SMG6: variants seen among roughly 807,000 people sequenced by gnomAD.
SMG6 encodes the protein telomerase-binding protein EST1A.
SMG6 carries 66 observed loss-of-function variants against 142.2 expected under a neutral mutation model. That is an observed-to-expected ratio of 0.46 (90% CI 0.38 to 0.57). SMG6 has a LOEUF of 0.57. SMG6 is among the 20% of genes least tolerant of loss of function. The pLI, the probability that SMG6 is intolerant of heterozygous loss-of-function variation, is 0.00. For synonymous variants in SMG6, 779 were observed against 702.4 expected (o/e 1.11, Z -1.72); for missense variants, 1,793 against 1,832.0 (o/e 0.98, Z 0.39).
In SMG6 at chr17:2,061,108, C is replaced by T. The variant is rs189617011; in HGVS notation, c.*384G>A. 1 of 193,396 alleles carries T rather than the reference C, an allele frequency of 5.2e-6. No homozygotes were observed. Among genetic ancestry groups the T allele is most frequent in the Admixed American group, 5.4e-5 (1 of 18,534 alleles). 12.0% of individuals were successfully genotyped at this position (193,396 alleles called of 1,614,324 possible). On this transcript the variant is annotated 3_prime_UTR_variant, in exon 19 of 19. Coordinates refer to ENST00000263073, the MANE Select transcript of SMG6 (RefSeq NM_017575.5). ...ACTGCATCTGACGGAAACTCAGAACCCCTGCCCTGTCTCCACTGGAGAAAG... is the reference window on the plus strand; with the variant it reads ...ACTGCATCTGACGGAAACTCAGAACTCCTGCCCTGTCTCCACTGGAGAAAG...
chr17:2,197,547 C>G (rs1041868805), intron 10 of SMG6, among the ~76,000 whole-genome samples: 2 of 151,906 alleles, frequency 1.3e-5, no homozygotes, highest in Non-Finnish European at 2.9e-5. Context: ...GCCTGGGTGA[C>G]AGAGACCCTG....
At chr17:2,142,873 A>G (rs1428300398) in intron 13 of SMG6, among the ~76,000 whole-genome samples, 9 of 142,418 alleles carry the variant, frequency 6.3e-5, no homozygotes, top group Non-Finnish European at 1.4e-4. Flanking sequence ...GGGCAACAAG[A>G]GCAAAACACT....
intron 8 of SMG6, chr17:2,255,590 G>A (rs576691323): frequency 7.7e-5 from 12 of 156,294 alleles, no homozygotes; most frequent in Middle Eastern, 3.2e-3. Flanking sequence ...CCGGCCAGCC[G>A]CCCCGTCCGG....
At chr17:2,079,927 T>C (rs2068366096) in intron 15 of SMG6, among the ~76,000 whole-genome samples, 1 of 151,108 alleles carries the variant, frequency 6.6e-6, no homozygotes, top group Non-Finnish European at 1.5e-5. Context: ...ATACAGAAAT[T>C]AGCTGGGTAT....
intron 8 of SMG6, among the ~76,000 whole-genome samples, chr17:2,264,827 A>G (rs2074386613): frequency 6.6e-6 from 1 of 151,806 alleles, no homozygotes; most frequent in Non-Finnish European, 1.5e-5. Flanking sequence ...GCTTGAGCCC[A>G]GGAGGCGAAG....
At chr17:2,229,126 G>A (rs1274411347) in intron 10 of SMG6, among the ~76,000 whole-genome samples, 1 of 152,154 alleles carries the variant, frequency 6.6e-6, no homozygotes, top group African/African-American at 2.4e-5. Flanking sequence ...AAGAGAAAGA[G>A]TAAACACTTC....
chr17:2,152,469 T>C (rs1361531864), intron 13 of SMG6, among the ~76,000 whole-genome samples: 1 of 152,170 alleles, frequency 6.6e-6, no homozygotes, highest in Middle Eastern at 3.2e-3. Context: ...ACAAAGGATT[T>C]GCATCCTAAA....
At chr17:2,109,007 C>T (rs1272866699) in intron 13 of SMG6, among the ~76,000 whole-genome samples, 1 of 152,156 alleles carries the variant, frequency 6.6e-6, no homozygotes, top group East Asian at 1.9e-4. Context: ...CTAATGTCAT[C>T]CCCATTTTTC....
At chr17:2,173,901 T>C (rs953829491) in intron 12 of SMG6, among the ~76,000 whole-genome samples, 3 of 142,062 alleles carry the variant, frequency 2.1e-5, no homozygotes, top group Admixed American at 7.7e-5. Flanking sequence ...CAAATTGTGG[T>C]AAGCATATAG....
intron 13 of SMG6, among the ~76,000 whole-genome samples, chr17:2,150,398 A>G (rs1353162896): frequency 2.6e-5 from 4 of 152,224 alleles, no homozygotes; most frequent in Non-Finnish European, 5.9e-5. Flanking sequence ...CCCAATACCA[A>G]TGTGTTGAAC....
intron 8 of SMG6, among the ~76,000 whole-genome samples, chr17:2,274,421 G>T (rs145715444): frequency 4.1e-4 from 62 of 152,130 alleles, no homozygotes; most frequent in Admixed American, 1.3e-3. Flanking sequence ...ACCTGAACAA[G>T]TCCTGAAAAA....
intron 13 of SMG6, among the ~76,000 whole-genome samples, chr17:2,126,430 G>T (rs1277662524): frequency 6.6e-6 from 1 of 151,968 alleles, no homozygotes; most frequent in Admixed American, 6.6e-5. Context: ...GGAAACAAAA[G>T]AAAAAAATAA....
intron 13 of SMG6, among the ~76,000 whole-genome samples, chr17:2,112,238 C>T (rs1301518923): frequency 6.6e-6 from 1 of 151,766 alleles, no homozygotes; most frequent in African/African-American, 2.4e-5. Flanking sequence ...GGCGCGGTGG[C>T]TCACGCCTGT....
intron 10 of SMG6, chr17:2,236,232 G>A: frequency 3.3e-6 from 1 of 299,284 alleles, no homozygotes; most frequent in African/African-American, 2.2e-5. Flanking sequence ...GTGGCCAGAT[G>A]TGCAACTGCA....
rs563403020 is a variant in SMG6 at position 2,178,810 on chromosome 17, G to A, written c.3156-5951C>T. 3.9e-5 allele frequency among the ~76,000 whole-genome samples: 6 copies of A among 152,262 alleles called. No individual in the cohort carries two copies. The South Asian group carries it at 8.3e-4, about 21-fold the overall frequency. On this transcript the variant is annotated intron_variant, in intron 12 of 18. Transcript: ENST00000263073. The stretch of plus-strand genomic sequence containing the variant: ...CCCTAGGGGATCCTGACATCTCCAC[G>A]GCATGAGTGGAGCCCTCGGCGGCCT...
intron 15 of SMG6, among the ~76,000 whole-genome samples, chr17:2,070,621 T>C (rs536027457): frequency 2.6e-5 from 4 of 152,314 alleles, no homozygotes; most frequent in Non-Finnish European, 5.9e-5. Flanking sequence ...GGCTTCTCTG[T>C]GACCTGCCAG....
At chr17:2,160,780 A>T (rs1373695609) in intron 13 of SMG6, among the ~76,000 whole-genome samples, 2 of 152,176 alleles carry the variant, frequency 1.3e-5, no homozygotes, top group African/African-American at 4.8e-5. Context: ...GCAGTGAGCC[A>T]TGATTGTATC....
At chr17:2,220,769 TA>T (rs1242932245) in intron 10 of SMG6, among the ~76,000 whole-genome samples, 1 of 152,240 alleles carries the variant, frequency 6.6e-6, no homozygotes, top group South Asian at 2.1e-4. Context: ...TACTTGTAAG[TA>T]AAAATAGTAG....
chr17:2,067,395 T>G (rs779058996), intron 16 of SMG6, among the ~76,000 whole-genome samples: 2 of 152,126 alleles, frequency 1.3e-5, no homozygotes, highest in Non-Finnish European at 2.9e-5. Context: ...AGGGGGCTCC[T>G]GAGATGTCCA....
Sources: allele counts gnomAD v4.1 joint callset (sites outside exome capture counted in the v4.1 genomes callset), GRCh38; gene constraint gnomAD v4.1.1; transcripts MANE v1.5; gene names NCBI Gene and HGNC (gene_info 2026-07-23, HGNC 2026-07-21).